The following SORCS3 variants were observed in gnomAD, a reference collection of about 807,000 sequenced individuals.
SORCS3 encodes sortilin related VPS10 domain containing receptor 3, also known as VPS10 domain-containing receptor SorCS3.
In SORCS3, 57 loss-of-function variants were observed where a neutral mutation model predicts 146.3. The observed-to-expected ratio is 0.39, with a 90% confidence interval of 0.31 to 0.49. SORCS3 has a LOEUF of 0.49. SORCS3 is among the 20% of genes least tolerant of loss of function. The pLI is 0.92. For missense variants in SORCS3, 1,341 were observed against 1,575.5 expected (o/e 0.85, Z 2.52); for synonymous variants, 653 against 618.5 (o/e 1.06, Z -0.83).
At chr10:104,975,030 C>G (rs1329013740) in intron 3 of SORCS3, among the ~76,000 whole-genome samples, 2 of 152,116 alleles carry the variant, frequency 1.3e-5, no homozygotes, top group East Asian at 3.9e-4. Context: ...GGCCCCCACT[C>G]TCTTCTGACT....
At chr10:104,705,504 G>A (rs554360443) in intron 1 of SORCS3, among the ~76,000 whole-genome samples, 1 of 152,146 alleles carries the variant, frequency 6.6e-6, no homozygotes, top group Non-Finnish European at 1.5e-5. Flanking sequence ...TTTGACAGAA[G>A]CTTTTATTGG....
At chr10:104,763,247 T>G (rs1237672778) in intron 1 of SORCS3, among the ~76,000 whole-genome samples, 4 of 152,224 alleles carry the variant, frequency 2.6e-5, no homozygotes, top group African/African-American at 9.6e-5. Context: ...AACCACTGTC[T>G]TCTATCTTCT....
At position 105,072,544 on chromosome 10, in the gene SORCS3, C is replaced by T. The variant is rs561371732; in HGVS notation, c.1029-17231C>T. On this transcript the variant is annotated intron_variant, in intron 5 of 26. Coordinates refer to ENST00000369701, the MANE Select transcript of SORCS3 (RefSeq NM_014978.3). Reference sequence around the variant, plus strand: ...CTAACCGCTCTGTGCCAGGGCTATGCGTGTGCTATGCATGCTCATTTTGCC... The same window carrying T: ...CTAACCGCTCTGTGCCAGGGCTATGTGTGTGCTATGCATGCTCATTTTGCC... Among the ~76,000 whole-genome samples, 7 of 151,952 alleles carry T rather than the reference C, an allele frequency of 4.6e-5. No individual in the cohort carries two copies. In the East Asian group the frequency reaches 5.8e-4, roughly 13 times the overall value.
Position 105,252,728 on chromosome 10 carries a change from G to A in SORCS3, c.3106-47G>A, listed in dbSNP as rs1377479063. ...ACTCTGCTCTTGTCATTGATTTGGGGAGGGCTGGCTCCTCCACAGCCTCTC... is the reference window on the plus strand; with the variant it reads ...ACTCTGCTCTTGTCATTGATTTGGGAAGGGCTGGCTCCTCCACAGCCTCTC... On this transcript the variant is annotated intron_variant, in intron 22 of 26. Coordinates refer to ENST00000369701, the MANE Select transcript of SORCS3 (RefSeq NM_014978.3). 2.5e-6 allele frequency: 4 copies of A among 1,611,028 alleles called. No individual in the cohort carries two copies. The Admixed American group carries it at 5.0e-5, about 20-fold the overall frequency.
rs759221025 is a variant in SORCS3 at position 105,043,095 on chromosome 10, T to C, written c.995T>C (p.Met332Thr). ...GACTTTGGAAGACGGTGGCAACTCA[T>C]GCATGAACGCATCACACCCAACAGG... ...SMDFGRRWQL[M>T]HERITPNRFY... The change falls in exon 5 of 27, where the codon ATG (methionine) becomes ACG (threonine). Residue 332 changes from methionine (M) to threonine (T), a missense_variant. By Grantham distance (81) the Met-to-Thr change is moderately conservative (BLOSUM62 -1). Transcript: ENST00000369701. 38 of 1,613,888 alleles carry C rather than the reference T, an allele frequency of 2.4e-5. No individual in the cohort carries two copies. The highest frequency in any genetic ancestry group is 3.1e-5 in the Non-Finnish European group (37 of 1,179,828).
intron 20 of SORCS3, among the ~76,000 whole-genome samples, chr10:105,223,662 C>G (rs1449216164): frequency 6.6e-6 from 1 of 152,158 alleles, no homozygotes. Flanking sequence ...CAAGATAACC[C>G]AGGTAAAGAA....
chr10:105,245,291 G>T (rs563293461), intron 20 of SORCS3, among the ~76,000 whole-genome samples: 1 of 152,058 alleles, frequency 6.6e-6, no homozygotes, highest in Non-Finnish European at 1.5e-5. Context: ...GGAGCAGAAT[G>T]ACATGCAAAA....
intron 4 of SORCS3, among the ~76,000 whole-genome samples, chr10:105,015,426 T>C (rs1397381255): frequency 6.6e-6 from 1 of 152,182 alleles, no homozygotes; most frequent in African/African-American, 2.4e-5. Context: ...TATTTGGCCA[T>C]GAAAATTGAT....
At chr10:105,147,824 G>T (rs1396982512) in intron 9 of SORCS3, 28 bp downstream of exon 9, 7 of 1,591,112 alleles carry the variant, frequency 4.4e-6, no homozygotes, top group Non-Finnish European at 5.1e-6. Context: ...TCCTTCCCTT[G>T]GGTCTGTCTC....
At chr10:104,896,499 G>T (rs1376972127) in intron 2 of SORCS3, among the ~76,000 whole-genome samples, 1 of 152,186 alleles carries the variant, frequency 6.6e-6, no homozygotes, top group South Asian at 2.1e-4. Context: ...TGCAGATTTC[G>T]ATCTGAGGGA....
intron 1 of SORCS3, among the ~76,000 whole-genome samples, chr10:104,736,478 TGTAA>T (rs1209097570): frequency 3.3e-5 from 5 of 152,208 alleles, no homozygotes; most frequent in East Asian, 1.9e-4. Flanking sequence ...GGTTTTTGAC[TGTAA>T]GTGACACTTC....
chr10:104,885,496 A>T (rs1490495287), intron 2 of SORCS3, among the ~76,000 whole-genome samples: 3 of 152,170 alleles, frequency 2.0e-5, no homozygotes, highest in African/African-American at 7.2e-5. Context: ...TTTAAAGTAC[A>T]TCTTTATGTA....
intron 19 of SORCS3, among the ~76,000 whole-genome samples, chr10:105,220,388 C>T (rs534676551): frequency 6.6e-6 from 1 of 152,256 alleles, no homozygotes; most frequent in South Asian, 2.1e-4. Flanking sequence ...AGGGGGTCTC[C>T]TTTTATCTTC....
At chr10:105,251,063 A>G (rs1173574736) in intron 22 of SORCS3, among the ~76,000 whole-genome samples, 2 of 152,172 alleles carry the variant, frequency 1.3e-5, no homozygotes, top group African/African-American at 4.8e-5. Flanking sequence ...TATCTGGGCA[A>G]TCACACCATA....
intron 1 of SORCS3, among the ~76,000 whole-genome samples, chr10:104,675,970 C>T (rs983819729): frequency 2.0e-5 from 3 of 152,110 alleles, no homozygotes; most frequent in African/African-American, 7.2e-5. Flanking sequence ...TTTAAATTTT[C>T]CTTAATTTCT....
intron 19 of SORCS3, among the ~76,000 whole-genome samples, chr10:105,221,062 T>C (rs530846420): frequency 1.3e-5 from 2 of 152,318 alleles, no homozygotes; most frequent in East Asian, 3.9e-4. Context: ...CTCTTCCTTT[T>C]AAGTATTCGG....
chr10:104,924,383 A>T (rs950750909), intron 3 of SORCS3, among the ~76,000 whole-genome samples: 3 of 152,226 alleles, frequency 2.0e-5, no homozygotes, highest in Non-Finnish European at 4.4e-5. Context: ...GAGCACAAAT[A>T]TGAAGTGGTA....
intron 1 of SORCS3, among the ~76,000 whole-genome samples, chr10:104,697,658 T>C (rs74155018): frequency 2.7e-4 from 41 of 152,288 alleles, no homozygotes; most frequent in African/African-American, 9.9e-4. Context: ...TTATGGATGA[T>C]CACAGGGCTG....
intron 3 of SORCS3, among the ~76,000 whole-genome samples, chr10:104,922,867 G>A (rs17117945): frequency 0.012 from 1,856 of 152,298 alleles, 47 homozygotes; most frequent in African/African-American, 0.043. Flanking sequence ...TCTTGCTGGG[G>A]ACCTGCACTG....
Sources: gnomAD v4.1 joint callset for allele counts (sites outside exome capture counted in the v4.1 genomes callset) on GRCh38, gnomAD v4.1.1 for gene constraint, MANE v1.5 for transcripts, NCBI Gene and HGNC (gene_info 2026-07-23, HGNC 2026-07-21) for gene names.